The following SHTN1 variants were observed in gnomAD, a reference collection of about 807,000 sequenced individuals.
SHTN1 encodes shootin-1.
SHTN1 carries 42 observed loss-of-function variants against 83.1 expected under a neutral mutation model. That is an observed-to-expected ratio of 0.51 (90% confidence interval 0.39 to 0.65). SHTN1 has a LOEUF of 0.65. Ranked by LOEUF, SHTN1 falls within the 30% of genes least tolerant of loss-of-function variation. The pLI is 0.00. For synonymous variants in SHTN1, 224 were observed against 247.7 expected (o/e 0.90, Z 0.90); for missense variants, 622 against 737.8 (o/e 0.84, Z 1.82).
At chr10:116,933,773 T>C (rs190184737) in intron 9 of SHTN1, among the ~76,000 whole-genome samples, 3 of 152,152 alleles carry the variant, frequency 2.0e-5, no homozygotes, top group Non-Finnish European at 4.4e-5. Context: ...AACTAATTTA[T>C]ACACCCACCA....
At chr10:117,015,080 AT>A (rs148966573) in intron 2 of SHTN1, among the ~76,000 whole-genome samples, 30 of 148,870 alleles carry the variant, frequency 2.0e-4, no homozygotes, top group Middle Eastern at 7.0e-3. Flanking sequence ...ATCCTGAGGC[AT>A]TTTTTTTTTC....
intron 2 of SHTN1, among the ~76,000 whole-genome samples, chr10:117,038,706 T>C (rs1852538347): frequency 6.6e-6 from 1 of 152,176 alleles, no homozygotes. Flanking sequence ...CCAAAGAAGA[T>C]ATTTAGATGG....
intron 2 of SHTN1, 107 bp downstream of exon 2, chr10:116,979,149 A>C (rs1181824992): frequency 2.2e-6 from 2 of 928,460 alleles, no homozygotes; most frequent in Non-Finnish European, 3.4e-6. Context: ...GAAAAGAAAA[A>C]AACAACCCTC....
intron 15 of SHTN1, among the ~76,000 whole-genome samples, chr10:116,902,687 G>C (rs1847793903): frequency 6.6e-6 from 1 of 152,178 alleles, no homozygotes; most frequent in South Asian, 2.1e-4. Flanking sequence ...CTCAAAGCAT[G>C]ATTCTAGTAA....
chr10:117,044,227 T>C (rs1265954403), intron 2 of SHTN1, among the ~76,000 whole-genome samples: 1 of 152,174 alleles, frequency 6.6e-6, no homozygotes, highest in Non-Finnish European at 1.5e-5. Context: ...TAATACATAT[T>C]CTTATACACA....
chr10:117,052,802 G>A (rs539641657), intron 1 of SHTN1, among the ~76,000 whole-genome samples: 4 of 151,318 alleles, frequency 2.6e-5, no homozygotes, highest in Non-Finnish European at 4.4e-5. Context: ...GGTGGATCAC[G>A]AGGCCAGGAG....
At chr10:117,072,091 T>C (rs1352592676) in intron 1 of SHTN1, among the ~76,000 whole-genome samples, 6 of 152,208 alleles carry the variant, frequency 3.9e-5, no homozygotes. Flanking sequence ...CAATTTTGAC[T>C]ACAGTGAATG....
chr10:117,120,631 C>A (rs1351086787), intron 1 of SHTN1, among the ~76,000 whole-genome samples: 1 of 151,908 alleles, frequency 6.6e-6, no homozygotes, highest in African/African-American at 2.4e-5. Flanking sequence ...TATGTACCCA[C>A]AAAAATTAAA....
At chr10:117,044,603 G>A (rs2133583222) in intron 2 of SHTN1, among the ~76,000 whole-genome samples, 1 of 152,146 alleles carries the variant, frequency 6.6e-6, no homozygotes, top group South Asian at 2.1e-4. Flanking sequence ...AATTTAGTAG[G>A]GAGTCTATAA....
chr10:117,060,482 T>C (rs942903562), intron 1 of SHTN1, among the ~76,000 whole-genome samples: 1 of 152,192 alleles, frequency 6.6e-6, no homozygotes, highest in Non-Finnish European at 1.5e-5. Flanking sequence ...TCAATAAATT[T>C]AGAATTATTT....
intron 2 of SHTN1, among the ~76,000 whole-genome samples, chr10:117,030,860 T>C (rs1852405456): frequency 6.6e-6 from 1 of 151,996 alleles, no homozygotes; most frequent in Admixed American, 6.6e-5. Flanking sequence ...GTACAGAATC[T>C]AGAAAATAGC....
intron 2 of SHTN1, among the ~76,000 whole-genome samples, chr10:117,026,982 CT>C: frequency 6.6e-6 from 1 of 152,346 alleles, no homozygotes; most frequent in South Asian, 2.1e-4. Flanking sequence ...ATGATGTTGG[CT>C]ACAAGGGTGC....
At chr10:117,100,209 T>C (rs1853569876) in intron 1 of SHTN1, among the ~76,000 whole-genome samples, 1 of 151,796 alleles carries the variant, frequency 6.6e-6, no homozygotes, top group South Asian at 2.1e-4. Context: ...AAATAAAGAG[T>C]AAATACATGT....
At chr10:116,968,983 T>A (rs1850501038) in intron 2 of SHTN1, among the ~76,000 whole-genome samples, 2 of 152,220 alleles carry the variant, frequency 1.3e-5, no homozygotes, top group Non-Finnish European at 2.9e-5. Context: ...CGATTTAACA[T>A]CCTTGAGTTA....
rs567090509 is a variant in SHTN1, at chr10:116,940,156, T to C, written c.858+310A>G. The stretch of plus-strand genomic sequence containing the variant: ...CCAAAAAATATAACATTTCCAAAAA[T>C]TGAATTTCCAGACTTTGCCTTATCC... On this transcript the variant is annotated intron_variant, in intron 9 of 16. Transcript: ENST00000355371. Among the ~76,000 whole-genome samples, 148 of 152,308 alleles carry C rather than the reference T, an allele frequency of 9.7e-4. 2 individuals carry two copies. The South Asian group carries it at 0.023, about 23-fold the overall frequency.
upstream of SHTN1, among the ~76,000 whole-genome samples, chr10:117,009,771 G>C (rs967194569): frequency 2.0e-5 from 3 of 151,994 alleles, no homozygotes; most frequent in African/African-American, 7.2e-5. Flanking sequence ...GGGCGTGGTG[G>C]CGGGCGCCTG....
intron 2 of SHTN1, among the ~76,000 whole-genome samples, chr10:117,025,556 C>A: frequency 6.6e-6 from 1 of 152,148 alleles, no homozygotes; most frequent in Admixed American, 6.6e-5. Flanking sequence ...GGACACACAA[C>A]CTACTGAGAC....
At chr10:117,003,463 C>T (rs1851891866) in intron 1 of SHTN1, among the ~76,000 whole-genome samples, 1 of 150,912 alleles carries the variant, frequency 6.6e-6, no homozygotes, top group Admixed American at 6.6e-5. Context: ...GTGTTATGTC[C>T]ATTTCAGAGG....
intron 1 of SHTN1, among the ~76,000 whole-genome samples, chr10:117,086,052 C>CTGGCACTACAGGTGTG (rs1284568226): frequency 6.6e-6 from 1 of 151,778 alleles, no homozygotes; most frequent in Non-Finnish European, 1.5e-5. Context: ...TCCTGAGTAG[C>CTGGCACTACAGGTGTG]TGGCACTACA....
Sources: allele counts gnomAD v4.1 joint callset (sites outside exome capture counted in the v4.1 genomes callset), GRCh38; gene constraint gnomAD v4.1.1; transcripts MANE v1.5; gene names NCBI Gene and HGNC (gene_info 2026-07-23, HGNC 2026-07-21).